The following LDB2 variants were observed in gnomAD, a reference collection of about 807,000 sequenced individuals.
LDB2 encodes the protein LIM domain-binding protein 2.
LDB2 carries 12 observed loss-of-function variants against 44.3 expected under a neutral mutation model. The ratio of observed to expected loss-of-function variants is 0.27; its 90% confidence interval spans 0.17 to 0.44. The LOEUF (loss-of-function observed/expected upper bound fraction) is 0.44. Among genes scored for constraint, LDB2 ranks in the 20% least tolerant of loss-of-function variants. The pLI, the probability that LDB2 is intolerant of heterozygous loss-of-function variation, is 1.00. For synonymous variants in LDB2, 164 were observed against 174.8 expected (o/e 0.94, Z 0.49); for missense variants, 344 against 473.5 (o/e 0.73, Z 2.54).
At chr4:16,694,539 T>C (rs1339729747) in intron 2 of LDB2, among the ~76,000 whole-genome samples, 1 of 152,244 alleles carries the variant, frequency 6.6e-6, no homozygotes, top group Non-Finnish European at 1.5e-5. Context: ...TCTCCCTGTC[T>C]GGGGAATGTC....
chr4:16,753,640 G>A (rs1416293329), intron 2 of LDB2, among the ~76,000 whole-genome samples: 1 of 152,160 alleles, frequency 6.6e-6, no homozygotes, highest in African/African-American at 2.4e-5. Context: ...TTTGGAGAGC[G>A]AAATGTCCCT....
chr4:16,665,480 T>C (rs963687657), intron 2 of LDB2, among the ~76,000 whole-genome samples: 2 of 152,118 alleles, frequency 1.3e-5, no homozygotes, highest in Admixed American at 1.3e-4. Context: ...TTGGCCAGGA[T>C]GGCCTCGATC....
chr4:16,815,597 C>A (rs1008563761), intron 1 of LDB2, among the ~76,000 whole-genome samples: 2 of 152,142 alleles, frequency 1.3e-5, no homozygotes, highest in African/African-American at 2.4e-5. Flanking sequence ...GTCTTACAGC[C>A]TTTTCCACCT....
intron 2 of LDB2, among the ~76,000 whole-genome samples, chr4:16,683,674 A>T (rs1019423170): frequency 7.2e-5 from 11 of 152,244 alleles, no homozygotes; most frequent in African/African-American, 2.7e-4. Context: ...CGAAGGTGCC[A>T]GGATAGATAA....
chr4:16,581,941 G>GA (rs1714680194), intron 5 of LDB2, among the ~76,000 whole-genome samples: 4 of 144,618 alleles, frequency 2.8e-5, no homozygotes, highest in Non-Finnish European at 4.4e-5. Context: ...AGAAAGAAAG[G>GA]AAGGGAGGGA....
At chr4:16,619,659 A>G (rs1728313579) in intron 2 of LDB2, among the ~76,000 whole-genome samples, 1 of 152,202 alleles carries the variant, frequency 6.6e-6, no homozygotes, top group Non-Finnish European at 1.5e-5. Flanking sequence ...CTTGATAACC[A>G]GGGTGATCAT....
At chr4:16,873,056 G>C (rs544531012) in intron 1 of LDB2, among the ~76,000 whole-genome samples, 1 of 152,250 alleles carries the variant, frequency 6.6e-6, no homozygotes, top group East Asian at 1.9e-4. Context: ...TGGCAGGGTG[G>C]TAAAGATGCT....
chr4:16,614,752 G>T (rs539292429), intron 2 of LDB2, among the ~76,000 whole-genome samples: 2 of 152,132 alleles, frequency 1.3e-5, no homozygotes, highest in South Asian at 4.2e-4. Context: ...ACTATCTCAT[G>T]CCAGTCAGAA....
At chr4:16,847,541 A>C (rs1046313756) in intron 1 of LDB2, among the ~76,000 whole-genome samples, 4 of 152,274 alleles carry the variant, frequency 2.6e-5, no homozygotes, top group Non-Finnish European at 4.4e-5. Context: ...ATAACTTATC[A>C]TCTTATTAAA....
chr4:16,897,845 A>C (rs921656267), intron 1 of LDB2, among the ~76,000 whole-genome samples: 20 of 149,394 alleles, frequency 1.3e-4, no homozygotes, highest in Non-Finnish European at 2.8e-4. Context: ...GTGACTCTGA[A>C]AAGTAAATAC....
chr4:16,745,673 T>C (rs1030852686), intron 2 of LDB2, among the ~76,000 whole-genome samples: 13 of 152,150 alleles, frequency 8.5e-5, no homozygotes, highest in Non-Finnish European at 1.0e-4. Context: ...GTCAGCTTCA[T>C]AGCAGCAATG....
intron 1 of LDB2, among the ~76,000 whole-genome samples, chr4:16,874,216 A>T (rs1218269517): frequency 6.6e-6 from 1 of 152,152 alleles, no homozygotes; most frequent in African/African-American, 2.4e-5. Flanking sequence ...ATAGGCTGGA[A>T]AATAGGCAGA....
chr4:16,732,944 G>A (rs1194745986), intron 2 of LDB2, among the ~76,000 whole-genome samples: 2 of 152,142 alleles, frequency 1.3e-5, no homozygotes, highest in African/African-American at 2.4e-5. Context: ...AAGGTCGGGG[G>A]AAAGGCATAG....
At position 16,755,280 on chromosome 4, in the gene LDB2, A is replaced by T. The variant is rs369453943; in HGVS notation, c.235+3878T>A. ...ACCCAAGACAGAGAAGGAAATAGCA[A>T]CACTTTATGCTGGACTTAGAACTGC... On this transcript the variant is annotated intron_variant, in intron 2 of 7. Coordinates refer to ENST00000304523, the MANE Select transcript of LDB2 (RefSeq NM_001290.5). Among the ~76,000 whole-genome samples, 3 of 152,182 alleles carry T rather than the reference A, an allele frequency of 2.0e-5. No individual in the cohort carries two copies. In the South Asian group the frequency reaches 6.2e-4, roughly 32 times the overall value.
chr4:16,568,872 C>G (rs1745452313), intron 5 of LDB2, among the ~76,000 whole-genome samples: 1 of 152,208 alleles, frequency 6.6e-6, no homozygotes, highest in Non-Finnish European at 1.5e-5. Flanking sequence ...GGATAAGACC[C>G]ACTGTCGAAG....
intron 1 of LDB2, among the ~76,000 whole-genome samples, chr4:16,863,901 C>G (rs1017256687): frequency 1.3e-5 from 2 of 152,116 alleles, no homozygotes; most frequent in Middle Eastern, 3.2e-3. Context: ...ACCTCGTGAT[C>G]CGCCCGCCTC....
At chr4:16,779,256 C>T (rs1045456272) in intron 1 of LDB2, among the ~76,000 whole-genome samples, 11 of 152,204 alleles carry the variant, frequency 7.2e-5, no homozygotes, top group African/African-American at 2.7e-4. Flanking sequence ...TGCTTTCCCC[C>T]GCTAAGTGCA....
At chr4:16,738,323 C>A (rs1762309600) in intron 2 of LDB2, among the ~76,000 whole-genome samples, 1 of 152,054 alleles carries the variant, frequency 6.6e-6, no homozygotes. Context: ...AACTTTGTCA[C>A]CCTGAGACTC....
chr4:16,769,260 C>CT (rs1770072649), intron 1 of LDB2, among the ~76,000 whole-genome samples: 1 of 151,668 alleles, frequency 6.6e-6, no homozygotes, highest in Non-Finnish European at 1.5e-5. Context: ...TAAATCTCCC[C>CT]TTTTTTACTT....
Sources: allele counts gnomAD v4.1 joint callset (sites outside exome capture counted in the v4.1 genomes callset), GRCh38; gene constraint gnomAD v4.1.1; transcripts MANE v1.5; gene names NCBI Gene and HGNC (gene_info 2026-07-23, HGNC 2026-07-21).